TMEM25: variants seen among roughly 807,000 people sequenced by gnomAD.
TMEM25 encodes the protein 0610039J01Rik.
Under a neutral mutation model 37.0 loss-of-function variants are expected in TMEM25, and 36 were observed. That is an observed-to-expected ratio of 0.97 (90% CI 0.75 to 1.28). The LOEUF (loss-of-function observed/expected upper bound fraction) is 1.28, where lower values mean the gene tolerates loss of function less well. Among genes scored for constraint, TMEM25 ranks in the 50% most tolerant of loss-of-function variants. TMEM25 has a pLI of 0.00. For synonymous variants in TMEM25, 197 were observed against 203.7 expected, an observed-to-expected ratio of 0.97 and a Z score of 0.28; for missense variants, 444 against 477.9, an observed-to-expected ratio of 0.93 and a Z score of 0.66.
At chr11:118,531,548 A>G in intron 1 of TMEM25, 1 of 565,582 alleles carries the variant, frequency 1.8e-6, no homozygotes, top group Non-Finnish European at 3.1e-6. Context: ...TTTGTATTGT[A>G]GCCTGGAGTC....
At position 118,534,581 on chromosome 11, in the gene TMEM25, G is replaced by A. The variant is rs781975964; in HGVS notation, c.*1G>A. 8 of 1,614,104 alleles carry A rather than the reference G, an allele frequency of 5.0e-6. No individual in the cohort carries two copies. The South Asian group carries it at 7.7e-5, about 16-fold the overall frequency. On this transcript the variant is annotated 3_prime_UTR_variant, in exon 9 of 9. Coordinates refer to ENST00000313236, the MANE Select transcript of TMEM25 (RefSeq NM_032780.4). This position sits in a 1 kb window ranked among gnomAD's most constrained non-coding sequence, Gnocchi z 4.6. ...GAGCAGTGATGAGATCTGGCTCTGA[G>A]CCGAGGGCGAGACAGGAGTATTCTC...
chr11:118,542,715 C>A (rs1383226497), intron 8 of TMEM25, among the ~76,000 whole-genome samples: 1 of 151,216 alleles, frequency 6.6e-6, no homozygotes, highest in Non-Finnish European at 1.5e-5. Context: ...GAATTCAAGA[C>A]CAGCCTGGGC....
chr11:118,538,581 C>T (rs781979302), downstream of TMEM25, among the ~76,000 whole-genome samples: 6 of 151,936 alleles, frequency 3.9e-5, no homozygotes, highest in Admixed American at 6.6e-5. Flanking sequence ...TACCTGTTAG[C>T]CGTTTGTATG....
At chr11:118,537,843 G>A (rs1951531081), downstream of TMEM25, among the ~76,000 whole-genome samples, 1 of 151,996 alleles carries the variant, frequency 6.6e-6, no homozygotes, top group African/African-American at 2.4e-5. Flanking sequence ...TTGAACCCAG[G>A]AGTTCAAGAC....
chr11:118,534,663 C>A lies in TMEM25; in HGVS notation c.*83C>A. On this transcript the variant is annotated 3_prime_UTR_variant, in exon 9 of 9. Transcript: ENST00000313236. This position sits in a 1 kb window ranked among gnomAD's most constrained non-coding sequence, Gnocchi z 4.6. The stretch of plus-strand genomic sequence containing the variant: ...GGCATCCTCTACCTAGCTAGGTCAC[C>A]AACGTGAAGAAGTTATGCCACTGCC... 6.4e-7 allele frequency: 1 copy of A among 1,569,664 alleles called. No homozygotes were observed. The highest frequency in any genetic ancestry group is 8.7e-7 in the Non-Finnish European group (1 of 1,155,896).
chr11:118,545,629 T>C, intron 8 of TMEM25: 1 of 1,061,916 alleles, frequency 9.4e-7, no homozygotes, highest in Non-Finnish European at 1.4e-6. Flanking sequence ...CAGCAGGTAG[T>C]CACATAAGCC....
chr11:118,534,768 C>A lies in TMEM25; in HGVS notation c.*188C>A. The A allele has an allele frequency of 7.0e-7, 1 of 1,420,448 alleles. No homozygotes were observed. The highest frequency in any genetic ancestry group is 9.2e-7 in the Non-Finnish European group (1 of 1,088,064). The allele number at this position is 1,420,448 out of a possible 1,614,324, so 88.0% of individuals were successfully genotyped here. A position where few individuals can be genotyped will look rare whatever the true frequency, so the allele number is the denominator to read the frequency against. On this transcript the variant is annotated 3_prime_UTR_variant, in exon 9 of 9. Coordinates refer to ENST00000313236, the MANE Select transcript of TMEM25 (RefSeq NM_032780.4). This position sits in a 1 kb window ranked among gnomAD's most constrained non-coding sequence, Gnocchi z 4.6. ...TTCACTGGGCTGTAACCCGCAGGGG[C>A]ACAGGTATCTTTGGCAAGGCTACCA...
At chr11:118,531,411 ATAGGAT>A (rs1951253815) in intron 1 of TMEM25, 177 bp downstream of exon 1, 1 of 380,054 alleles carries the variant, frequency 2.6e-6, no homozygotes, top group Non-Finnish European at 4.9e-6. Flanking sequence ...AGGAGAGAGA[ATAGGAT>A]TAGGAGAAAG....
At chr11:118,545,940 T>C in intron 8 of TMEM25, 1 of 1,168,496 alleles carries the variant, frequency 8.6e-7, no homozygotes, top group Admixed American at 1.7e-5. Context: ...AAAGAGCTTC[T>C]AGCATAAGAC....
intron 1 of TMEM25, 144 bp from the exon 2 acceptor site, chr11:118,531,631 C>T (rs1453912241): frequency 1.5e-6 from 1 of 652,980 alleles, no homozygotes; most frequent in Non-Finnish European, 2.6e-6. Flanking sequence ...CTTTGCCGTT[C>T]GTGTCCGTGC....
At chr11:118,536,647 G>A (rs1270735020), downstream of TMEM25, among the ~76,000 whole-genome samples, 2 of 152,130 alleles carry the variant, frequency 1.3e-5, no homozygotes, top group Non-Finnish European at 2.9e-5. Context: ...GGCCGGATTG[G>A]CATTTTCTAT....
chr11:118,533,709 C>A, intron 5 of TMEM25, 148 bp from the exon 6 acceptor site: 6 of 1,561,494 alleles, frequency 3.8e-6, no homozygotes, highest in Non-Finnish European at 5.3e-6. Flanking sequence ...GTAGCAGGGT[C>A]AAGCACTGGG....
chr11:118,534,088 C>T lies in TMEM25; in HGVS notation c.896C>T (p.Pro299Leu), dbSNP rs782406697. 8 of 1,614,018 alleles carry T rather than the reference C, an allele frequency of 5.0e-6. No homozygotes were observed. Among genetic ancestry groups the T allele is most frequent in the South Asian group, 2.2e-5 (2 of 91,072 alleles). Residue 299 changes from proline (P) to leucine (L), a missense_variant, in exon 7 of 9, where the codon CCG becomes CTG. Coordinates refer to ENST00000313236, the MANE Select transcript of TMEM25 (RefSeq NM_032780.4). This position sits in a 1 kb window ranked among gnomAD's most constrained non-coding sequence, Gnocchi z 4.6. ...VRLPRENMSL[P>L]SNLQLNDLTP... ...CTGCCACGGGAGAACATGTCCCTCCCGTCCAACCTTCAGCTCAATGACCTC... is the reference window on the plus strand; with the variant it reads ...CTGCCACGGGAGAACATGTCCCTCCTGTCCAACCTTCAGCTCAATGACCTC...
Position 118,531,822 on chromosome 11 carries a change from A to G in TMEM25, c.21A>G (p.Pro7=). 1 of 1,551,170 alleles carries G rather than the reference A, an allele frequency of 6.4e-7. No individual in the cohort carries two copies. Among genetic ancestry groups the G allele is most frequent in the South Asian group, 1.2e-5 (1 of 84,058 alleles). Residue 7 remains proline (P), a synonymous_variant, in exon 2 of 9, where the codon CCA becomes CCG. Transcript: ENST00000313236. ...CCACCATGGCGCTGCCTCCAGGCCC[A>G]GCCGCCCTCCGGCACACACTGCTGC... MALPPG[P]AALRHTLLLL... is the part of the protein sequence containing the mutation.
chr11:118,545,789 T>G (rs1951668605), intron 8 of TMEM25: 1 of 1,613,864 alleles, frequency 6.2e-7, no homozygotes, highest in Admixed American at 1.7e-5. Context: ...AAAGAGGAAC[T>G]CACCACAGAT....
chr11:118,546,126 A>G, exon 9 of TMEM25: 1 of 718,584 alleles, frequency 1.4e-6, no homozygotes, highest in East Asian at 2.7e-5. Context: ...TAGGAAGAAG[A>G]AATCAGGACA....
chr11:118,533,028 G>T lies in TMEM25; in HGVS notation c.494G>T (p.Trp165Leu). 1 of 1,614,242 alleles carries T rather than the reference G, an allele frequency of 6.2e-7. No homozygotes were observed. Among genetic ancestry groups the T allele is most frequent in the South Asian group, 1.1e-5 (1 of 91,092 alleles). ...VRANPPANVT[W>L]IDQDGPVTVN... ...GCCAACCCGCCGGCCAATGTCACCT[G>T]GATCGACCAGGATGGGCCAGTGACT... The change falls in exon 4 of 9, where the codon TGG (tryptophan) becomes TTG (leucine). Residue 165 changes from tryptophan to leucine, a missense_variant. Transcript: ENST00000313236.
At position 118,535,140 on chromosome 11, in the gene TMEM25, G is replaced by A. The variant is rs1327036881; in HGVS notation, c.*560G>A. The A allele has an allele frequency of 2.0e-6, 2 of 1,025,162 alleles. No homozygotes were observed. The highest frequency in any genetic ancestry group is 9.2e-5 in the East Asian group (1 of 10,926). The allele number at this position is 1,025,162 out of a possible 1,614,324, so 63.5% of individuals were successfully genotyped here. On this transcript the variant is annotated 3_prime_UTR_variant, in exon 9 of 9. Transcript: ENST00000313236. ...CCAGCGGTACCGGCCAAGCACAAAC[G>A]TCCTTTTTGCTGCACACGTCTCTGC... is the stretch of plus-strand genomic sequence containing the variant.
chr11:118,539,811 A>G (rs868981414), downstream of TMEM25, among the ~76,000 whole-genome samples: 3 of 151,922 alleles, frequency 2.0e-5, no homozygotes, highest in Middle Eastern at 3.2e-3. Flanking sequence ...ACTTGAGGCC[A>G]GGAGTTCGAG....
Sources: gnomAD v4.1 joint callset for allele counts (sites outside exome capture counted in the v4.1 genomes callset) on GRCh38, gnomAD v4.1.1 for gene constraint, Gnocchi (gnomAD v3.1) non-coding constraint, MANE v1.5 for transcripts, NCBI Gene and HGNC (gene_info 2026-07-23, HGNC 2026-07-21) for gene names.